Variants in RNGTT observed in about 807,000 individuals in gnomAD.
RNGTT encodes the protein mRNA-capping enzyme.
Under a neutral mutation model 79.3 loss-of-function variants are expected in RNGTT, and 33 were observed. That is an observed-to-expected ratio of 0.42 (90% CI 0.32 to 0.56). RNGTT has a LOEUF of 0.56. RNGTT is among the 20% of genes least tolerant of loss of function. RNGTT has a pLI of 0.17. For synonymous variants in RNGTT, 222 were observed against 235.9 expected (o/e 0.94, Z 0.54); for missense variants, 497 against 739.1 (o/e 0.67, Z 3.80).
rs551224405 is a variant in RNGTT, at chr6:88,762,358, C to T, written c.1439+7416G>A. Among the ~76,000 whole-genome samples, 11 of 152,262 alleles carry T rather than the reference C, an allele frequency of 7.2e-5. No individual in the cohort carries two copies. In the East Asian group the frequency reaches 1.5e-3, roughly 21 times the overall value. ...CAGGGAAATAAACCAAAAGCAGTAA[C>T]ATATCTCCAAGGGAAATACAAAAAT... On this transcript the variant is annotated intron_variant, in intron 13 of 15. Transcript: ENST00000369485.
At chr6:88,904,167 T>C (rs191777304) in intron 6 of RNGTT, among the ~76,000 whole-genome samples, 359 of 152,332 alleles carry the variant, frequency 2.4e-3, no homozygotes, top group Middle Eastern at 6.8e-3. Flanking sequence ...CAATCTAATA[T>C]CTAAAAGTTC....
chr6:88,691,092 G>A (rs765723660), intron 13 of RNGTT, among the ~76,000 whole-genome samples: 1 of 152,174 alleles, frequency 6.6e-6, no homozygotes, highest in Non-Finnish European at 1.5e-5. Context: ...ATGTCAAATT[G>A]TAATCCCCAA....
intron 4 of RNGTT, among the ~76,000 whole-genome samples, chr6:88,925,261 T>C (rs1221353436): frequency 3.9e-5 from 6 of 152,082 alleles, no homozygotes; most frequent in Admixed American, 6.6e-5. Context: ...TTATCTATAG[T>C]TCCCCAAGTC....
chr6:88,962,486 A>C (rs1022362378), intron 1 of RNGTT, among the ~76,000 whole-genome samples: 14 of 152,026 alleles, frequency 9.2e-5, no homozygotes, highest in African/African-American at 2.9e-4. Flanking sequence ...AAACAAAAAA[A>C]TTATGGCCAG....
intron 13 of RNGTT, among the ~76,000 whole-genome samples, chr6:88,733,831 A>C (rs1343200676): frequency 1.3e-5 from 2 of 151,768 alleles, no homozygotes; most frequent in Non-Finnish European, 2.9e-5. Context: ...AAAAAAAAAA[A>C]CCCAACAACC....
intron 14 of RNGTT, among the ~76,000 whole-genome samples, chr6:88,637,662 C>A (rs559315363): frequency 8.2e-4 from 125 of 152,134 alleles, no homozygotes; most frequent in Admixed American, 3.7e-3. Flanking sequence ...CGTGTCATGT[C>A]ATAATTTCTC....
intron 12 of RNGTT, among the ~76,000 whole-genome samples, chr6:88,771,579 A>T (rs1488256504): frequency 6.6e-6 from 1 of 151,868 alleles, no homozygotes; most frequent in Non-Finnish European, 1.5e-5. Context: ...TTCTATGAAA[A>T]ATAAGCCTGC....
chr6:88,633,559 C>A (rs1164690268), intron 14 of RNGTT, among the ~76,000 whole-genome samples: 3 of 152,168 alleles, frequency 2.0e-5, no homozygotes, highest in Non-Finnish European at 1.5e-5. Flanking sequence ...TTATCTCCAA[C>A]CTGACAATAA....
chr6:88,733,100 T>C (rs1219574733), intron 13 of RNGTT, among the ~76,000 whole-genome samples: 2 of 152,286 alleles, frequency 1.3e-5, no homozygotes, highest in Admixed American at 1.3e-4. Flanking sequence ...AGTTCACACC[T>C]GTAATCCCAG....
At chr6:88,784,873 C>T (rs1779177562) in intron 12 of RNGTT, among the ~76,000 whole-genome samples, 1 of 151,902 alleles carries the variant, frequency 6.6e-6, no homozygotes, top group South Asian at 2.1e-4. Flanking sequence ...AAATAATATG[C>T]TATCTTTTTA....
intron 2 of RNGTT, among the ~76,000 whole-genome samples, chr6:88,940,367 T>G (rs1392386011): frequency 6.6e-6 from 1 of 152,006 alleles, no homozygotes; most frequent in South Asian, 2.1e-4. Context: ...GCATGAGCCA[T>G]GGCACCCAGC....
intron 8 of RNGTT, among the ~76,000 whole-genome samples, chr6:88,874,715 C>T (rs1782462452): frequency 6.6e-6 from 1 of 151,976 alleles, no homozygotes; most frequent in South Asian, 2.1e-4. Flanking sequence ...AGCTCTACTG[C>T]TGAGATGGGT....
intron 12 of RNGTT, among the ~76,000 whole-genome samples, chr6:88,784,668 T>C (rs899526308): frequency 2.0e-5 from 3 of 152,140 alleles, no homozygotes; most frequent in Admixed American, 6.6e-5. Flanking sequence ...TGACCCTACA[T>C]AGACAAAATG....
At position 88,940,161 on chromosome 6, in the gene RNGTT, T is replaced by C. The variant is rs185048929; in HGVS notation, c.174+910A>G. On this transcript the variant is annotated intron_variant, in intron 2 of 15. Transcript: ENST00000369485. ...TATGTGATCTTGGCTCACTGCAACCTCCGCTTCCCAGGTTCAAGCGATTCT... is the reference window on the plus strand; with the variant it reads ...TATGTGATCTTGGCTCACTGCAACCCCCGCTTCCCAGGTTCAAGCGATTCT... Among the ~76,000 whole-genome samples the C allele has an allele frequency of 2.7e-3, 414 of 151,440 alleles. 7 individuals carry two copies. The highest frequency in any genetic ancestry group is 9.8e-3 in the African/African-American group (403 of 41,244).
chr6:88,957,831 A>G (rs1460705610), intron 1 of RNGTT, among the ~76,000 whole-genome samples: 1 of 152,206 alleles, frequency 6.6e-6, no homozygotes, highest in African/African-American at 2.4e-5. Flanking sequence ...ATTCAATGCA[A>G]TTCCCATCAA....
intron 14 of RNGTT, among the ~76,000 whole-genome samples, chr6:88,625,948 GATTT>G (rs1772614157): frequency 6.6e-6 from 1 of 151,746 alleles, no homozygotes; most frequent in Admixed American, 6.6e-5. Flanking sequence ...GTTGATTATT[GATTT>G]GTCAATCCAC....
Position 88,817,749 on chromosome 6 carries a change from A to ATTTTTTTTT in RNGTT, c.1270-16126_1270-16118dup, listed in dbSNP as rs71554802. The stretch of plus-strand genomic sequence containing the variant: ...TTCACCATCCAAGTCTATTCACATC[A>ATTTTTTTTT]TTTTTTTTTTTTTTTTTTTTTTTTT... On this transcript the variant is annotated intron_variant, in intron 11 of 15. Coordinates refer to ENST00000369485, the MANE Select transcript of RNGTT (RefSeq NM_003800.5). Among the ~76,000 whole-genome samples the ATTTTTTTTT allele has an allele frequency of 1.7e-4, 12 of 71,572 alleles. 1 individual carries two copies. Among genetic ancestry groups the ATTTTTTTTT allele is most frequent in the East Asian group, 4.1e-4 (1 of 2,436 alleles). 47.0% of individuals were successfully genotyped at this position (71,572 alleles called of 152,430 possible).
intron 13 of RNGTT, among the ~76,000 whole-genome samples, chr6:88,741,218 C>T (rs536476190): frequency 1.3e-5 from 2 of 151,820 alleles, no homozygotes; most frequent in East Asian, 1.9e-4. Context: ...ACAGTGGATT[C>T]GATAAAGAAA....
chr6:88,896,701 C>T (rs772492744), intron 6 of RNGTT, among the ~76,000 whole-genome samples: 9 of 152,130 alleles, frequency 5.9e-5, no homozygotes, highest in Non-Finnish European at 1.0e-4. Context: ...AATATTTAAG[C>T]CAGTTTAAGT....
Sources: allele counts gnomAD v4.1 joint callset (sites outside exome capture counted in the v4.1 genomes callset), GRCh38; gene constraint gnomAD v4.1.1; transcripts MANE v1.5; gene names NCBI Gene and HGNC (gene_info 2026-07-23, HGNC 2026-07-21).